The following SYNM variants were observed in gnomAD, a reference collection of about 807,000 sequenced individuals.
SYNM encodes the protein desmuslin.
SYNM carries 95 observed loss-of-function variants against 104.0 expected under a neutral mutation model. The observed-to-expected ratio is 0.91, with a 90% CI of 0.77 to 1.08. The LOEUF (loss-of-function observed/expected upper bound fraction) is 1.08, where lower values mean the gene tolerates loss of function less well. Among genes scored for constraint, SYNM ranks in the 50% least tolerant of loss-of-function variants. SYNM has a pLI of 0.00. For synonymous variants in SYNM, 918 were observed against 869.0 expected (o/e 1.06, Z -0.99); for missense variants, 2,150 against 2,052.2 (o/e 1.05, Z -0.92).
rs2067229903 is a variant in SYNM, at chr15:99,105,710, A to G, written c.511A>G (p.Thr171Ala). The G allele has an allele frequency of 1.3e-6, 2 of 1,492,340 alleles. No homozygotes were observed. Among genetic ancestry groups the G allele is most frequent in the Admixed American group, 2.2e-5 (1 of 44,698 alleles). 92.4% of individuals were successfully genotyped at this position (1,492,340 alleles called of 1,614,324 possible). A position where few individuals can be genotyped will look rare whatever the true frequency, so the allele number is the denominator to read the frequency against. ...SLTMHFRARA[T>A]GPAAPPPRLR... The stretch of plus-strand genomic sequence containing the variant: ...TACCATGCATTTCCGCGCCCGCGCC[A>G]CCGGCCCCGCCGCGCCGCCGCCACG... The change falls in exon 1 of 4, where the codon ACC becomes GCC. Residue 171 changes from threonine to alanine, a missense_variant. Thr to Ala is a moderately conservative substitution (Grantham distance 58, BLOSUM62 0). Coordinates refer to ENST00000336292, the MANE Select transcript of SYNM (RefSeq NM_145728.3).
chr15:99,137,758 T>A (rs2067707762), downstream of SYNM: 4 of 507,826 alleles, frequency 7.9e-6, no homozygotes, highest in Middle Eastern at 5.3e-4. Context: ...TGGGTAAAAA[T>A]TCTTGTTGGC....
chr15:99,129,858 A>G lies in SYNM; in HGVS notation c.1498A>G (p.Thr500Ala). 1 of 1,613,700 alleles carries G rather than the reference A, an allele frequency of 6.2e-7. No homozygotes were observed. The highest frequency in any genetic ancestry group is 8.5e-7 in the Non-Finnish European group (1 of 1,179,772). ...NERTVILGKK[T>A]EVKATREQER... ...GAGGACCGTCATTCTGGGAAAGAAA[A>G]CAGAAGTGAAAGCCACGAGGGAGCA... The change falls in exon 4 of 4, where the codon ACA becomes GCA. Residue 500 changes from threonine (T) to alanine (A), a missense_variant. Coordinates refer to ENST00000336292, the MANE Select transcript of SYNM (RefSeq NM_145728.3).
Position 99,131,636 on chromosome 15 carries a change from G to A in SYNM, c.3276G>A (p.Gln1092=). ...GTGGGGCCTCTCACAGCTCGGGACA[G>A]CGCACTCCCCAGGGCCCAGTGTCGG... is the stretch of plus-strand genomic sequence containing the variant. ...VAGGASHSSG[Q]RTPQGPVSAT... The change falls in exon 4 of 4, where the codon CAG becomes CAA. Residue 1092 remains glutamine (Q), a synonymous_variant. Transcript: ENST00000336292. The surrounding 1 kb of genome is among the most constrained non-coding windows in gnomAD (Gnocchi z 4.3). 2 of 1,610,976 alleles carry A rather than the reference G, an allele frequency of 1.2e-6. No individual in the cohort carries two copies. The highest frequency in any genetic ancestry group is 1.7e-6 in the Non-Finnish European group (2 of 1,179,556).
At position 99,116,482 on chromosome 15, in the gene SYNM, G is replaced by T. The variant is rs1172482879; in HGVS notation, c.935+2767G>T. Among the ~76,000 whole-genome samples, 3 of 145,260 alleles carry T rather than the reference G, an allele frequency of 2.1e-5. 1 individual carries two copies. Among genetic ancestry groups the T allele is most frequent in the Non-Finnish European group, 4.6e-5 (3 of 65,200 alleles). Reference sequence around the variant, plus strand: ...CTCTGTGTTATGAAGGAATAACTGAGACTGGATAATTTGCAAAGAAAAGAG... The same window carrying T: ...CTCTGTGTTATGAAGGAATAACTGATACTGGATAATTTGCAAAGAAAAGAG... On this transcript the variant is annotated intron_variant, in intron 2 of 3. Transcript: ENST00000336292.
At position 99,112,515 on chromosome 15, in the gene SYNM, T is replaced by C. The variant is rs146107611; in HGVS notation, c.811-1076T>C. On this transcript the variant is annotated intron_variant, in intron 1 of 3. Coordinates refer to ENST00000336292, the MANE Select transcript of SYNM (RefSeq NM_145728.3). ...TTGATCATTTCATTTTAAATTTAAT[T>C]GAGCAGCTATGTGCTGTGTGACTTG... Among the ~76,000 whole-genome samples the C allele has an allele frequency of 7.2e-5, 11 of 152,252 alleles. No individual in the cohort carries two copies. The East Asian group carries it at 2.1e-3, about 29-fold the overall frequency.
In SYNM at chr15:99,129,888, A is replaced by G. The variant is rs1555485485; in HGVS notation, c.1528A>G (p.Arg510Gly). ...AGTGAAAGCCACGAGGGAGCAAGAA[A>G]GAAACAGACCAGAAACCATCCGAAC... ...TEVKATREQERNRPETIRTKP... is the reference protein window; with the variant it reads ...TEVKATREQEGNRPETIRTKP... Residue 510 changes from arginine (R) to glycine (G), a missense_variant, in exon 4 of 4, where the codon AGA (arginine) becomes GGA (glycine). Physicochemically the swap from Arg to Gly is moderately radical, Grantham distance 125. Coordinates refer to ENST00000336292, the MANE Select transcript of SYNM (RefSeq NM_145728.3). 6 of 1,613,368 alleles carry G rather than the reference A, an allele frequency of 3.7e-6. No individual in the cohort carries two copies. Among genetic ancestry groups the G allele is most frequent in the South Asian group, 2.2e-5 (2 of 90,998 alleles).
Position 99,130,035 on chromosome 15 carries a change from G to GA in SYNM, c.1676dup (p.Lys560GlufsTer3), listed in dbSNP as rs1279369775. On this transcript the variant is annotated frameshift_variant, in exon 4 of 4. Transcript: ENST00000336292. LOFTEE classifies it high-confidence loss of function. The stretch of plus-strand genomic sequence containing the variant: ...ACAGAGAGAAAGCCAGCAGATGAAG[G>GA]AGAAGGCTAAGGAGAAGGACTCACC... The GA allele has an allele frequency of 6.2e-7, 1 of 1,613,690 alleles. No individual in the cohort carries two copies. Among genetic ancestry groups the GA allele is most frequent in the Non-Finnish European group, 8.5e-7 (1 of 1,179,828 alleles).
rs1192919837 is a variant in SYNM at position 99,133,240 on chromosome 15, C to T, written c.*182C>T. The T allele has an allele frequency of 7.6e-7, 1 of 1,315,234 alleles. No homozygotes were observed. The highest frequency in any genetic ancestry group is 1.5e-5 in the African/African-American group (1 of 67,306). The allele number at this position is 1,315,234 out of a possible 1,614,324, so 81.5% of individuals were successfully genotyped here. Reference sequence around the variant, plus strand: ...AATCCGTAAAGGTTTCCAGTTAATTCATGCCTTAAAAGGCACTGCAATTTT... The same window carrying T: ...AATCCGTAAAGGTTTCCAGTTAATTTATGCCTTAAAAGGCACTGCAATTTT... On this transcript the variant is annotated 3_prime_UTR_variant, in exon 4 of 4. Transcript: ENST00000336292.
Position 99,130,206 on chromosome 15 carries a change from C to G in SYNM, c.1846C>G (p.Leu616Val). The G allele has an allele frequency of 6.2e-7, 1 of 1,613,944 alleles. No individual in the cohort carries two copies. Among genetic ancestry groups the G allele is most frequent in the South Asian group, 1.1e-5 (1 of 91,070 alleles). ...CGGTAGAGAGGCAGAAGCAAGAGAG[C>G]TACGGTTCAGGTTGGGCACCAGTGA... is the stretch of plus-strand genomic sequence containing the variant. ...GTGREAEARE[L>V]RFRLGTSDAT... The change falls in exon 4 of 4, where the codon CTA becomes GTA. Residue 616 changes from leucine (L) to valine (V), a missense_variant. Physicochemically the swap from Leu to Val is conservative, Grantham distance 32 (BLOSUM62 1). Coordinates refer to ENST00000336292, the MANE Select transcript of SYNM (RefSeq NM_145728.3).
At chr15:99,141,094 A>G in the SYNM span, 13 of 152,240 alleles carry the variant, frequency 8.5e-5, no homozygotes, top group African/African-American at 1.9e-4. Context: ...TGTTAAAGAT[A>G]CAAAGCAACA....
chr15:99,128,017 A>G (rs2067463314), intron 3 of SYNM, among the ~76,000 whole-genome samples: 1 of 152,298 alleles, frequency 6.6e-6, no homozygotes, highest in South Asian at 2.1e-4. Flanking sequence ...TCATTCATTC[A>G]TTCATTCATT....
chr15:99,115,716 C>T (rs1965867), intron 2 of SYNM, among the ~76,000 whole-genome samples: 53,761 of 151,988 alleles, frequency 0.35, 9,862 homozygotes, highest in Middle Eastern at 0.5. Flanking sequence ...CCCACCTCGC[C>T]GCCACAAAGT....
intron 1 of SYNM, among the ~76,000 whole-genome samples, chr15:99,112,169 G>T (rs2067305322): frequency 6.6e-6 from 1 of 152,170 alleles, no homozygotes; most frequent in Non-Finnish European, 1.5e-5. Context: ...TTTGGTGAAG[G>T]GATTCCAGCA....
At chr15:99,137,751 G>C (rs2067706848), downstream of SYNM, 1 of 487,674 alleles carries the variant, frequency 2.1e-6, no homozygotes, top group South Asian at 2.8e-5. Context: ...GTGCTGATGG[G>C]TAAAAATTCT....
intron 2 of SYNM, among the ~76,000 whole-genome samples, chr15:99,124,790 G>A (rs567244109): frequency 3.3e-5 from 5 of 152,154 alleles, no homozygotes; most frequent in Non-Finnish European, 5.9e-5. Context: ...CCTCTAGAGC[G>A]AGGATGCAGC....
At chr15:99,137,792 A>G, downstream of SYNM, 1 of 674,764 alleles carries the variant, frequency 1.5e-6, no homozygotes, top group Middle Eastern at 4.2e-4. Flanking sequence ...TAGGTGATAG[A>G]AAACTGCTTT....
intron 1 of SYNM, among the ~76,000 whole-genome samples, chr15:99,106,638 G>A (rs2067247159): frequency 1.3e-5 from 2 of 152,242 alleles, no homozygotes; most frequent in South Asian, 4.1e-4. Context: ...TCTGCGTAGT[G>A]TAAAAGTTGT....
At chr15:99,123,422 C>G (rs559563778) in intron 2 of SYNM, among the ~76,000 whole-genome samples, 1 of 151,782 alleles carries the variant, frequency 6.6e-6, no homozygotes, top group East Asian at 1.9e-4. Context: ...CTCCTGTTAT[C>G]CTTCCTGTGA....
chr15:99,132,658 C>T lies in SYNM; in HGVS notation c.4298C>T (p.Ala1433Val), dbSNP rs782239415. 30 of 1,613,928 alleles carry T rather than the reference C, an allele frequency of 1.9e-5. No homozygotes were observed. Among genetic ancestry groups the T allele is most frequent in the African/African-American group, 8.0e-5 (6 of 74,926 alleles). ...VSRTFVLAGS[A>V]DSPELGKLAD... ...AGAACATTTGTGCTTGCTGGTTCAG[C>T]GGACTCCCCTGAGCTAGGCAAGTTA... is the stretch of plus-strand genomic sequence containing the variant. Residue 1433 changes from alanine (A) to valine (V), a missense_variant, in exon 4 of 4, where the codon GCG becomes GTG. By Grantham distance (64) the Ala-to-Val change is moderately conservative. Coordinates refer to ENST00000336292, the MANE Select transcript of SYNM (RefSeq NM_145728.3).
Sources: gnomAD v4.1 joint callset for allele counts (sites outside exome capture counted in the v4.1 genomes callset) on GRCh38, gnomAD v4.1.1 for gene constraint, Gnocchi (gnomAD v3.1) non-coding constraint, MANE v1.5 for transcripts, NCBI Gene and HGNC (gene_info 2026-07-23, HGNC 2026-07-21) for gene names.